KCNJ16: variants seen among roughly 807,000 people sequenced by gnomAD.
KCNJ16 encodes the protein inward rectifier potassium channel 16.
A neutral mutation model predicts 18.5 loss-of-function variants in KCNJ16; 15 were observed. The observed-to-expected ratio is 0.81, with a 90% CI of 0.54 to 1.25. The LOEUF (loss-of-function observed/expected upper bound fraction) is 1.25. Ranked by LOEUF, KCNJ16 falls within the 50% of genes most tolerant of loss-of-function variation. The pLI is 0.00. For synonymous variants in KCNJ16, 174 were observed against 186.5 expected, an observed-to-expected ratio of 0.93 and a Z score of 0.55; for missense variants, 523 against 525.7, an observed-to-expected ratio of 0.99 and a Z score of 0.05.
intron 2 of KCNJ16, among the ~76,000 whole-genome samples, chr17:70,121,768 T>G (rs2073649134): frequency 6.6e-6 from 1 of 151,962 alleles, no homozygotes; most frequent in Non-Finnish European, 1.5e-5. Flanking sequence ...CTAGTGAACA[T>G]TTTGCTGCTT....
intron 1 of KCNJ16, among the ~76,000 whole-genome samples, chr17:70,080,814 A>C (rs2071519973): frequency 6.6e-6 from 1 of 152,184 alleles, no homozygotes; most frequent in South Asian, 2.1e-4. Flanking sequence ...CTTCGGGAAA[A>C]TAATCTAAAG....
chr17:70,098,256 C>T (rs887107523), intron 1 of KCNJ16, among the ~76,000 whole-genome samples: 5 of 152,128 alleles, frequency 3.3e-5, no homozygotes, highest in Non-Finnish European at 7.3e-5. Context: ...TGTGACTCAA[C>T]AAGTAACTAC....
At chr17:70,096,606 T>A in intron 1 of KCNJ16, 1 of 226,188 alleles carries the variant, frequency 4.4e-6, no homozygotes, top group East Asian at 8.9e-5. Context: ...ATCATTATTA[T>A]TACATCATAA....
chr17:70,095,226 G>T (rs2072298692), intron 1 of KCNJ16, among the ~76,000 whole-genome samples: 1 of 151,822 alleles, frequency 6.6e-6, no homozygotes, highest in South Asian at 2.1e-4. Context: ...TTTATCTTGA[G>T]ATGCTGAATA....
At position 70,131,373 on chromosome 17, in the gene KCNJ16, G is replaced by A. The variant is rs569948092; in HGVS notation, c.-94+398G>A. ...TCAAGACTAAAGGTGGAGTTAGGGG[G>A]AAATGAGTTTAATGTGAAGTAGTAC... On this transcript the variant is annotated intron_variant, in intron 3 of 3. Transcript: ENST00000392671. 5 of 1,040,894 alleles carry A rather than the reference G, an allele frequency of 4.8e-6. No homozygotes were observed. The African/African-American group carries it at 6.8e-5, about 14-fold the overall frequency. 64.5% of individuals were successfully genotyped at this position (1,040,894 alleles called of 1,614,324 possible).
chr17:70,099,168 C>A (rs1304331224), intron 1 of KCNJ16, among the ~76,000 whole-genome samples: 1 of 152,138 alleles, frequency 6.6e-6, no homozygotes, highest in Non-Finnish European at 1.5e-5. Flanking sequence ...GCCAGTTGTA[C>A]TTCTGACCCA....
chr17:70,123,395 G>C (rs1417742457), intron 2 of KCNJ16, among the ~76,000 whole-genome samples: 1 of 152,160 alleles, frequency 6.6e-6, no homozygotes, highest in Non-Finnish European at 1.5e-5. Flanking sequence ...CTCTGCCTGG[G>C]AAACATTTTT....
intron 2 of KCNJ16, among the ~76,000 whole-genome samples, chr17:70,106,305 TC>T (rs1378042196): frequency 1.3e-5 from 2 of 152,130 alleles, no homozygotes; most frequent in African/African-American, 4.8e-5. Flanking sequence ...AGTGTGACCT[TC>T]CCCCAAATTA....
At position 70,131,995 on chromosome 17, in the gene KCNJ16, G is replaced by A. The variant is rs765578795; in HGVS notation, c.-93G>A. ...TGTTTTTGTTGTTGTTGTTTTTTAG[G>A]TTCTAACTGAAAACCCAAACCAAGA... On this transcript the variant is annotated splice_region_variant and 5_prime_UTR_variant, in exon 4 of 4. Transcript: ENST00000392671. The A allele has an allele frequency of 1.9e-6, 3 of 1,572,808 alleles. No individual in the cohort carries two copies. Among genetic ancestry groups the A allele is most frequent in the East Asian group, 2.3e-5 (1 of 43,960 alleles).
chr17:70,082,477 G>A (rs79554209), intron 1 of KCNJ16, among the ~76,000 whole-genome samples: 39 of 152,308 alleles, frequency 2.6e-4, no homozygotes, highest in Non-Finnish European at 5.1e-4. Context: ...ATTCTAGAGA[G>A]AGGAGAATTT....
intron 2 of KCNJ16, among the ~76,000 whole-genome samples, chr17:70,113,642 A>C (rs569369524): frequency 2.4e-4 from 36 of 152,260 alleles, no homozygotes; most frequent in Admixed American, 1.0e-3. Context: ...CATCAACATG[A>C]ATATTCCAGA....
At chr17:70,130,336 T>A (rs2074012562) in intron 2 of KCNJ16, among the ~76,000 whole-genome samples, 1 of 152,142 alleles carries the variant, frequency 6.6e-6, no homozygotes, top group African/African-American at 2.4e-5. Context: ...CAGCCCTAGG[T>A]CACATCTTGA....
chr17:70,131,485 G>T, intron 3 of KCNJ16: 1 of 997,686 alleles, frequency 1.0e-6, no homozygotes, highest in Non-Finnish European at 1.2e-6. Flanking sequence ...CTGAAGGTGA[G>T]GGATTACCTA....
chr17:70,098,147 A>T (rs967721343), intron 1 of KCNJ16, among the ~76,000 whole-genome samples: 4 of 152,264 alleles, frequency 2.6e-5, no homozygotes, highest in African/African-American at 7.2e-5. Flanking sequence ...TTTAAAAAAA[A>T]TTTTCCTAGT....
chr17:70,132,621 A>G lies in KCNJ16; in HGVS notation c.534A>G (p.Arg178=). 6.2e-7 allele frequency: 1 copy of G among 1,614,204 alleles called. No homozygotes were observed. The highest frequency in any genetic ancestry group is 8.5e-7 in the Non-Finnish European group (1 of 1,180,048). The stretch of plus-strand genomic sequence containing the variant: ...CCAAAATGGCAACTGCTCGAAAGAG[A>G]GCCCAAACCATTCGTTTCAGCTACT... ...ALAKMATARK[R]AQTIRFSYFA... The change falls in exon 4 of 4, where the codon AGA becomes AGG. Residue 178 remains arginine, a synonymous_variant. Coordinates refer to ENST00000392671, the MANE Select transcript of KCNJ16 (RefSeq NM_170741.4).
At chr17:70,114,912 A>G (rs994630395) in intron 2 of KCNJ16, among the ~76,000 whole-genome samples, 1 of 152,160 alleles carries the variant, frequency 6.6e-6, no homozygotes, top group Non-Finnish European at 1.5e-5. Context: ...CACTGTGATT[A>G]AAAACTAAAC....
intron 2 of KCNJ16, among the ~76,000 whole-genome samples, chr17:70,106,251 G>A (rs1447566585): frequency 6.6e-6 from 1 of 152,142 alleles, no homozygotes; most frequent in African/African-American, 2.4e-5. Flanking sequence ...AGTTCTGAAA[G>A]TCTACAATCT....
chr17:70,098,853 T>C (rs2072500952), intron 1 of KCNJ16, among the ~76,000 whole-genome samples: 1 of 152,186 alleles, frequency 6.6e-6, no homozygotes, highest in Middle Eastern at 3.2e-3. Flanking sequence ...TCAATAATTA[T>C]GAATTAAAAT....
intron 2 of KCNJ16, among the ~76,000 whole-genome samples, chr17:70,127,329 T>C (rs2073889000): frequency 1.3e-5 from 2 of 152,010 alleles, no homozygotes; most frequent in Admixed American, 6.6e-5. Context: ...AGTTATCTAG[T>C]AGGTTCTGGG....
Sources: gnomAD v4.1 joint callset for allele counts (sites outside exome capture counted in the v4.1 genomes callset) on GRCh38, gnomAD v4.1.1 for gene constraint, MANE v1.5 for transcripts, NCBI Gene and HGNC (gene_info 2026-07-23, HGNC 2026-07-21) for gene names.